Variants in ISX observed in about 807,000 individuals in gnomAD.
The protein encoded by ISX is intestine specific homeobox.
In ISX, 15 loss-of-function variants were observed where a neutral mutation model predicts 16.9. That is an observed-to-expected ratio of 0.89 (90% CI 0.59 to 1.36). ISX has a LOEUF of 1.36. Ranked by LOEUF, ISX falls within the 40% of genes most tolerant of loss-of-function variation. The pLI, the probability that ISX is intolerant of heterozygous loss-of-function variation, is 0.00. For missense variants in ISX, 316 were observed against 306.1 expected (o/e 1.03, Z -0.24); for synonymous variants, 125 against 119.7 (o/e 1.04, Z -0.29).
rs767717609 is a variant in ISX, at chr22:35,085,666, G to A, written c.711G>A (p.Trp237Ter). Residue 237 changes from tryptophan to a stop codon, truncating the protein, a stop_gained, in exon 5 of 5, where the codon TGG becomes TGA. Transcript: ENST00000404699. LOFTEE classifies it high-confidence loss of function. ...LCILPPPHPK[W>*]GSICATST Reference sequence around the variant, plus strand: ...TCCTTCCACCTCCACACCCCAAATGGGGCAGCATCTGTGCTACTTCAACAT... The same window carrying A: ...TCCTTCCACCTCCACACCCCAAATGAGGCAGCATCTGTGCTACTTCAACAT... 4 of 1,613,988 alleles carry A rather than the reference G, an allele frequency of 2.5e-6. No homozygotes were observed. The African/African-American group carries it at 5.3e-5, about 22-fold the overall frequency.
At chr22:35,075,172 G>A (rs996281625) in intron 2 of ISX, among the ~76,000 whole-genome samples, 3 of 152,222 alleles carry the variant, frequency 2.0e-5, no homozygotes, top group African/African-American at 7.2e-5. Context: ...AGTGGCTTTT[G>A]AGATGGAGTC....
chr22:35,085,371 G>T, intron 4 of ISX, 83 bp from the exon 5 acceptor site: 1 of 1,553,418 alleles, frequency 6.4e-7, no homozygotes, highest in Non-Finnish European at 8.8e-7. Flanking sequence ...ACTCTTAGCT[G>T]CCCAAGCCAT....
chr22:35,071,096 GT>G (rs1928840637), intron 2 of ISX, among the ~76,000 whole-genome samples: 3 of 152,288 alleles, frequency 2.0e-5, no homozygotes, highest in East Asian at 3.9e-4. Context: ...GACTGGCCCT[GT>G]TCATCCCAGG....
At chr22:35,083,038 T>C (rs1012861403) in intron 3 of ISX, among the ~76,000 whole-genome samples, 4 of 152,214 alleles carry the variant, frequency 2.6e-5, no homozygotes, top group African/African-American at 9.6e-5. Flanking sequence ...CAGATGGTAA[T>C]GATATTAGGC....
In ISX at chr22:35,082,683, T is replaced by C. The variant is rs376136825; in HGVS notation, c.381+14T>C. The C allele has an allele frequency of 5.0e-6, 8 of 1,613,682 alleles. No individual in the cohort carries two copies. The African/African-American group carries it at 9.3e-5, about 19-fold the overall frequency. ...GCTCGGGTGCAGGTACAGCCATCCC[T>C]ACCTCAGCCCCCAGCCTCCATGCCC... On this transcript the variant is annotated intron_variant, in intron 3 of 4. Transcript: ENST00000404699.
intron 2 of ISX, among the ~76,000 whole-genome samples, chr22:35,075,060 T>C (rs150316570): frequency 1.3e-5 from 2 of 152,330 alleles, no homozygotes; most frequent in African/African-American, 4.8e-5. Context: ...CACATTGTCA[T>C]AATACAAATA....
At chr22:35,083,720 T>G (rs1229913178) in intron 3 of ISX, among the ~76,000 whole-genome samples, 1 of 152,266 alleles carries the variant, frequency 6.6e-6, no homozygotes, top group Non-Finnish European at 1.5e-5. Context: ...GGACCACTCA[T>G]GTCTAAGACT....
rs1929242395 is a variant in ISX, at chr22:35,085,829, T to C, written c.*136T>C. 9.2e-7 allele frequency: 1 copy of C among 1,086,328 alleles called. No homozygotes were observed. Among genetic ancestry groups the C allele is most frequent in the African/African-American group, 1.6e-5 (1 of 64,384 alleles). The allele number at this position is 1,086,328 out of a possible 1,614,324, so 67.3% of individuals were successfully genotyped here. The stretch of plus-strand genomic sequence containing the variant: ...ACAGCCCAGGAAGCTACCCTGAACA[T>C]GCCAGTTGGAAGGCTGCACCAGACT... On this transcript the variant is annotated 3_prime_UTR_variant, in exon 5 of 5. Coordinates refer to ENST00000404699, the MANE Select transcript of ISX (RefSeq NM_001303508.2).
At chr22:35,075,027 G>C (rs1928945599) in intron 2 of ISX, among the ~76,000 whole-genome samples, 1 of 152,176 alleles carries the variant, frequency 6.6e-6, no homozygotes, top group South Asian at 2.1e-4. Context: ...AATCTCACCA[G>C]ACCTAAACGC....
chr22:35,076,992 T>C (rs1365396272), intron 2 of ISX, among the ~76,000 whole-genome samples: 2 of 152,158 alleles, frequency 1.3e-5, no homozygotes, highest in Non-Finnish European at 2.9e-5. Context: ...CACCTGCTTC[T>C]CGGCTTCTCT....
chr22:35,070,785 G>A (rs1928830793), intron 2 of ISX, among the ~76,000 whole-genome samples: 1 of 152,234 alleles, frequency 6.6e-6, no homozygotes, highest in Admixed American at 6.5e-5. Context: ...AGCTGGCCAG[G>A]GGCATGGTAG....
intron 2 of ISX, among the ~76,000 whole-genome samples, chr22:35,076,321 A>G (rs1367422763): frequency 1.3e-5 from 2 of 152,238 alleles, no homozygotes; most frequent in Non-Finnish European, 2.9e-5. Flanking sequence ...GACTAAAATT[A>G]TGGAAATGAC....
chr22:35,078,186 GC>G (rs916802508), intron 2 of ISX, among the ~76,000 whole-genome samples: 1 of 126,498 alleles, frequency 7.9e-6, no homozygotes, highest in Non-Finnish European at 1.7e-5. Flanking sequence ...TTTTTTTGCA[GC>G]TTCCTACAGA....
chr22:35,074,689 CAAG>C (rs1306007907), intron 2 of ISX, among the ~76,000 whole-genome samples: 1 of 152,168 alleles, frequency 6.6e-6, no homozygotes, highest in Admixed American at 6.5e-5. Context: ...TAGTTCTTGG[CAAG>C]AAGGATAACT....
chr22:35,067,180 C>T lies in ISX; in HGVS notation c.93C>T (p.Phe31=). ...CEAPKKLSLS[F]SIEAILKRPA... ...CCCCGAAGAAGCTGAGCCTGTCCTT[C>T]TCCATTGAGGCGATCCTAAAGAGGC... The change falls in exon 2 of 5, where the codon TTC becomes TTT. Residue 31 remains phenylalanine, a synonymous_variant. Coordinates refer to ENST00000404699, the MANE Select transcript of ISX (RefSeq NM_001303508.2). 2.5e-6 allele frequency: 4 copies of T among 1,613,174 alleles called. No homozygotes were observed. The highest frequency in any genetic ancestry group is 1.3e-5 in the African/African-American group (1 of 75,008).
At chr22:35,077,388 T>C (rs1929011383) in intron 2 of ISX, among the ~76,000 whole-genome samples, 1 of 152,174 alleles carries the variant, frequency 6.6e-6, no homozygotes, top group Non-Finnish European at 1.5e-5. Context: ...TCTTTTCCTG[T>C]AGGAAAGTTG....
intron 2 of ISX, among the ~76,000 whole-genome samples, chr22:35,073,566 C>A (rs1253895086): frequency 6.6e-6 from 1 of 152,098 alleles, no homozygotes; most frequent in African/African-American, 2.4e-5. Flanking sequence ...ACAATTGTGG[C>A]AAGTGCTGGG....
Position 35,082,642 on chromosome 22 carries a change from G to A in ISX, c.354G>A (p.Arg118=), listed in dbSNP as rs764179371. 6 of 1,614,114 alleles carry A rather than the reference G, an allele frequency of 3.7e-6. No homozygotes were observed. The Admixed American group carries it at 8.3e-5, about 22-fold the overall frequency. The change falls in exon 3 of 5, where the codon AGG becomes AGA. Residue 118 remains arginine, a synonymous_variant. Coordinates refer to ENST00000404699, the MANE Select transcript of ISX (RefSeq NM_001303508.2). ...DVHIRSQLAA[R]INLPEARVQI... is the part of the protein sequence containing the mutation. ...ACATCCGCAGCCAGCTGGCAGCCAG[G>A]ATCAACCTCCCAGAAGCTCGGGTGC... is the stretch of plus-strand genomic sequence containing the variant.
At chr22:35,075,430 A>G (rs542272572) in intron 2 of ISX, among the ~76,000 whole-genome samples, 1 of 152,276 alleles carries the variant, frequency 6.6e-6, no homozygotes, top group Non-Finnish European at 1.5e-5. Context: ...TGTTTTGGGA[A>G]CTTCAGGCTT....
Sources: allele counts gnomAD v4.1 joint callset (sites outside exome capture counted in the v4.1 genomes callset), GRCh38; gene constraint gnomAD v4.1.1; transcripts MANE v1.5; gene names NCBI Gene and HGNC (gene_info 2026-07-23, HGNC 2026-07-21).